DMD: variants seen among roughly 807,000 people sequenced by gnomAD.
The protein encoded by DMD is dystrophin.
DMD carries 63 observed loss-of-function variants against 330.1 expected under a neutral mutation model. The ratio of observed to expected loss-of-function variants is 0.19; its 90% confidence interval spans 0.16 to 0.24. The LOEUF (loss-of-function observed/expected upper bound fraction) is 0.24. DMD is among the 10% of genes least tolerant of loss of function. DMD has a pLI of 1.00. For synonymous variants in DMD, 1,223 were observed against 959.8 expected, an observed-to-expected ratio of 1.27 and a Z score of -5.07; for missense variants, 3,344 against 2,684.1, an observed-to-expected ratio of 1.25 and a Z score of -5.43.
intron 51 of DMD, among the ~76,000 whole-genome samples, chrX:31,764,305 C>G (rs1373425473): frequency 1.8e-5 from 2 of 111,781 alleles, no homozygotes; most frequent in Non-Finnish European, 3.8e-5. Context: ...ACATCTATTA[C>G]ATAACTTAAA....
At chrX:32,727,228 G>A (rs762616603) in intron 7 of DMD, among the ~76,000 whole-genome samples, 1 of 111,319 alleles carries the variant, frequency 9.0e-6, no homozygotes, top group South Asian at 3.7e-4. Flanking sequence ...ACTAGAGAAG[G>A]TAATCTGCCC....
intron 56 of DMD, among the ~76,000 whole-genome samples, chrX:31,505,592 T>C (rs1001471023): frequency 9.0e-6 from 1 of 111,178 alleles, no homozygotes; most frequent in Admixed American, 9.6e-5. Flanking sequence ...GGTTAAAAGT[T>C]CAGACTCTGA....
chrX:32,584,042 T>C (rs2053952993), intron 13 of DMD, among the ~76,000 whole-genome samples: 1 of 110,379 alleles, frequency 9.1e-6, no homozygotes, highest in Non-Finnish European at 1.9e-5. Flanking sequence ...AAAAGAAAAA[T>C]GTAATATAAA....
intron 44 of DMD, among the ~76,000 whole-genome samples, chrX:32,141,054 G>T (rs2096749889): frequency 9.0e-6 from 1 of 111,214 alleles, no homozygotes; most frequent in South Asian, 3.8e-4. Flanking sequence ...ACATTGCTCT[G>T]CATGGTACAT....
In DMD at chrX:31,176,780, C is replaced by T. The variant is rs534742284; in HGVS notation, c.10262+1152G>A. ...ATGATTAAATAAATCAGATAATATA[C>T]TACTTATAGCTACCATATCTCAAAA... On this transcript the variant is annotated intron_variant, in intron 71 of 78. Coordinates refer to ENST00000357033, the MANE Select transcript of DMD (RefSeq NM_004006.3). Among the ~76,000 whole-genome samples, 57 of 111,227 alleles carry T rather than the reference C, an allele frequency of 5.1e-4. No homozygotes were observed. In the South Asian group the frequency reaches 0.018, roughly 36 times the overall value.
At chrX:31,141,928 T>C (rs757361285) in intron 76 of DMD, among the ~76,000 whole-genome samples, 2 of 111,271 alleles carry the variant, frequency 1.8e-5, no homozygotes, top group South Asian at 3.8e-4. Flanking sequence ...ACCTTACCTA[T>C]ATGGTAATCT....
chrX:33,288,531 T>A (rs1000778911), intron 1 of DMD, among the ~76,000 whole-genome samples: 4 of 111,089 alleles, frequency 3.6e-5, no homozygotes, highest in Non-Finnish European at 5.7e-5. Flanking sequence ...GTACATCCCA[T>A]TGTGACATCC....
At chrX:33,122,226 A>AAAAC (rs751215987) in intron 1 of DMD, among the ~76,000 whole-genome samples, 3,152 of 112,065 alleles carry the variant, frequency 0.028, 130 homozygotes, top group African/African-American at 0.096. Context: ...CTCCGTCTCA[A>AAAAC]AAACAAACAA....
chrX:32,242,676 C>T lies in DMD; in HGVS notation c.6291-25613G>A, dbSNP rs145267435. Among the ~76,000 whole-genome samples, 498 of 111,154 alleles carry T rather than the reference C, an allele frequency of 4.5e-3. 1 individual carries two copies. The highest frequency in any genetic ancestry group is 0.015 in the African/African-American group (463 of 30,604). On this transcript the variant is annotated intron_variant, in intron 43 of 78. Transcript: ENST00000357033. ...ATGCACCCTATAAAATCACATGGAA[C>T]ATTTTGGTTAAAAATGCTTCTGTGT...
At chrX:31,686,231 A>G (rs948415092) in intron 52 of DMD, among the ~76,000 whole-genome samples, 1 of 112,753 alleles carries the variant, frequency 8.9e-6, no homozygotes, top group African/African-American at 3.2e-5. Context: ...AATACCTTCA[A>G]TAAATGTCTG....
At chrX:31,328,025 T>C (rs1327291077) in intron 61 of DMD, among the ~76,000 whole-genome samples, 2 of 112,429 alleles carry the variant, frequency 1.8e-5, no homozygotes, top group Admixed American at 1.9e-4. Context: ...TTCATTTCTC[T>C]AAGATGAATG....
At chrX:32,327,418 C>A (rs2097656815) in intron 41 of DMD, among the ~76,000 whole-genome samples, 1 of 110,387 alleles carries the variant, frequency 9.1e-6, no homozygotes, top group Non-Finnish European at 1.9e-5. Flanking sequence ...AAAATGATAT[C>A]CATCTGACCT....
At chrX:33,073,165 G>C (rs2094785753) in intron 1 of DMD, among the ~76,000 whole-genome samples, 1 of 111,742 alleles carries the variant, frequency 8.9e-6, no homozygotes, top group East Asian at 2.8e-4. Flanking sequence ...CAGTTTTGGT[G>C]CAAGGTGGTT....
intron 1 of DMD, among the ~76,000 whole-genome samples, chrX:33,224,559 G>A (rs1394118623): frequency 9.0e-6 from 1 of 111,296 alleles, no homozygotes; most frequent in Non-Finnish European, 1.9e-5. Flanking sequence ...GGTTGCCAGG[G>A]GTTAGTTGGC....
At chrX:32,866,716 C>CT (rs753731804) in intron 2 of DMD, among the ~76,000 whole-genome samples, 78 of 37,426 alleles carry the variant, frequency 2.1e-3, no homozygotes, top group South Asian at 5.4e-3. Flanking sequence ...CATACACACA[C>CT]TTTTTTTTGG....
chrX:31,780,827 T>C (rs746140850), intron 50 of DMD, among the ~76,000 whole-genome samples: 1 of 111,932 alleles, frequency 8.9e-6, no homozygotes, highest in African/African-American at 3.2e-5. Flanking sequence ...AAATAAAATA[T>C]ATGACACACC....
Position 31,321,607 on chromosome X carries a change from A to AAAAAAAAAGAAAG in DMD, c.9224+1990_9224+1991insCTTTCTTTTTTTT, listed in dbSNP as rs1388525572. On this transcript the variant is annotated intron_variant, in intron 62 of 78. Transcript: ENST00000357033. ...TCAAAAAAAAAAAAAAAAAAAAAAA[A>AAAAAAAAAGAAAG]AAAGAAAGAAACCAAGATTTTTATA... 7.6e-4 allele frequency among the ~76,000 whole-genome samples: 68 copies of AAAAAAAAAGAAAG among 89,207 alleles called. 1 individual carries two copies. Among genetic ancestry groups the AAAAAAAAAGAAAG allele is most frequent in the Non-Finnish European group, 1.3e-3 (62 of 48,784 alleles). 77.5% of individuals were successfully genotyped at this position (89,207 alleles called of 115,157 possible).
chrX:33,286,845 A>G (rs991418718), intron 1 of DMD, among the ~76,000 whole-genome samples: 2 of 112,285 alleles, frequency 1.8e-5, no homozygotes, highest in Non-Finnish European at 1.9e-5. Context: ...CCAGTAGAAT[A>G]TGAGTGGAAG....
chrX:33,215,305 A>G (rs2052033826), upstream of DMD, among the ~76,000 whole-genome samples: 1 of 90,069 alleles, frequency 1.1e-5, no homozygotes, highest in Non-Finnish European at 2.2e-5. Context: ...AGCCTGGACT[A>G]AGAGCAAGAC....
Sources: allele counts gnomAD v4.1 joint callset (sites outside exome capture counted in the v4.1 genomes callset), GRCh38; gene constraint gnomAD v4.1.1; transcripts MANE v1.5; gene names NCBI Gene and HGNC (gene_info 2026-07-23, HGNC 2026-07-21).